Variants in CLUH observed in about 807,000 individuals in gnomAD.
CLUH encodes the protein CLUH binding protein of NUMT mRNA.
Under a neutral mutation model 139.3 loss-of-function variants are expected in CLUH, and 77 were observed. That is an observed-to-expected ratio of 0.55 (90% confidence interval 0.46 to 0.67). The LOEUF (loss-of-function observed/expected upper bound fraction) is 0.67, where lower values mean the gene tolerates loss of function less well. Ranked by LOEUF, CLUH falls within the 30% of genes least tolerant of loss-of-function variation. CLUH has a pLI of 0.00. For synonymous variants in CLUH, 999 were observed against 801.6 expected (o/e 1.25, Z -4.16); for missense variants, 1,876 against 1,875.8 (o/e 1.00, Z 0.00).
At chr17:2,695,170 A>C (rs1567582887) in intron 15 of CLUH, 48 bp downstream of exon 15, 1 of 1,613,642 alleles carries the variant, frequency 6.2e-7, no homozygotes, top group Admixed American at 1.7e-5. Context: ...CCGACGCCCC[A>C]CACCACCCTG....
In CLUH at chr17:2,690,291, C is replaced by T. The variant is rs1403967887; in HGVS notation, c.*303G>A. ...ACACTCACAGCCAGGGGCGCACTCG[C>T]ACACGCCGGCCGGACGGCGGGGGCC... is the stretch of plus-strand genomic sequence containing the variant. On this transcript the variant is annotated 3_prime_UTR_variant, in exon 26 of 26. Coordinates refer to ENST00000651024, the MANE Select transcript of CLUH (RefSeq NM_001366661.1). 2.8e-5 allele frequency: 10 copies of T among 358,534 alleles called. No individual in the cohort carries two copies. Among genetic ancestry groups the T allele is most frequent in the Admixed American group, 1.4e-4 (3 of 21,014 alleles). The allele number at this position is 358,534 out of a possible 1,614,324, so 22.2% of individuals were successfully genotyped here.
In CLUH at chr17:2,689,672, T is replaced by G. The variant is rs1379805195; in HGVS notation, c.*922A>C. On this transcript the variant is annotated 3_prime_UTR_variant, in exon 26 of 26. Transcript: ENST00000651024. ...GGCAGGGTGGAGCGGGAGCAGCGTG[T>G]GGGGGCCCCCGCCACCCCCAGAGCT... 6.5e-6 allele frequency: 1 copy of G among 152,800 alleles called. No individual in the cohort carries two copies. Among genetic ancestry groups the G allele is most frequent in the African/African-American group, 2.4e-5 (1 of 41,376 alleles). The allele number at this position is 152,800 out of a possible 1,614,324, so 9.5% of individuals were successfully genotyped here.
At chr17:2,698,626 C>A (rs768503244) in intron 9 of CLUH, 36 bp from the exon 10 acceptor site, 1 of 1,512,858 alleles carries the variant, frequency 6.6e-7, no homozygotes, top group South Asian at 1.3e-5. Context: ...TTAGAGGCCG[C>A]GCCCACAAGA....
chr17:2,692,643 G>T lies in CLUH; in HGVS notation c.3366C>A (p.Ser1122Arg). The change falls in exon 21 of 26, where the codon AGC (serine) becomes AGA (arginine). Residue 1122 changes from serine to arginine, a missense_variant. Ser to Arg is a moderately radical substitution (Grantham distance 110). Coordinates refer to ENST00000651024, the MANE Select transcript of CLUH (RefSeq NM_001366661.1). ...FASSQLSTAL[S>R]LLYRARYLML... is the part of the protein sequence containing the mutation. The stretch of plus-strand genomic sequence containing the variant: ...TGAGGTAGCGGGCGCGGTACAGCAG[G>T]CTCAGGGCGGTGGACAGCTGGCTGC... 1 of 1,612,756 alleles carries T rather than the reference G, an allele frequency of 6.2e-7. No homozygotes were observed. The highest frequency in any genetic ancestry group is 8.5e-7 in the Non-Finnish European group (1 of 1,179,498).
At position 2,711,712 on chromosome 17, in the gene CLUH, A is replaced by T. The variant is rs1376573367; in HGVS notation, c.-51T>A. On this transcript the variant is annotated 5_prime_UTR_variant, in exon 1 of 26. Coordinates refer to ENST00000651024, the MANE Select transcript of CLUH (RefSeq NM_001366661.1). ...GGCTGTCCGCGCCGCCCGCCGCGCC[A>T]CTAACCCAAGTGCCCTGCGCGCCGC... 4.8e-6 allele frequency: 4 copies of T among 827,364 alleles called. No homozygotes were observed. The highest frequency in any genetic ancestry group is 6.0e-4 in the Middle Eastern group (1 of 1,658). The allele number at this position is 827,364 out of a possible 1,614,324, so 51.3% of individuals were successfully genotyped here.
Position 2,689,920 on chromosome 17 carries a change from C to T in CLUH, c.*674G>A, listed in dbSNP as rs1440558590. On this transcript the variant is annotated 3_prime_UTR_variant, in exon 26 of 26. Transcript: ENST00000651024. ...GGAGTAGGGAGCCGAGTCAGAGCCA[C>T]CCACTGGGCTCTGAGGGCCCAGCAA... is the stretch of plus-strand genomic sequence containing the variant. 6.5e-6 allele frequency: 1 copy of T among 152,742 alleles called. No homozygotes were observed. The highest frequency in any genetic ancestry group is 2.4e-5 in the African/African-American group (1 of 41,436). The allele number at this position is 152,742 out of a possible 1,614,324, so 9.5% of individuals were successfully genotyped here. A position where few individuals can be genotyped will look rare whatever the true frequency, so the allele number is the denominator to read the frequency against.
At chr17:2,693,795 T>G in intron 19 of CLUH, 105 bp downstream of exon 19, 1 of 1,416,494 alleles carries the variant, frequency 7.1e-7, no homozygotes, top group South Asian at 1.4e-5. Flanking sequence ...AACCAGCGAC[T>G]TCCTGGGGTC....
rs928595635 is a variant in CLUH, at chr17:2,694,292, C to G, written c.2938-16G>C. ...TCAGCAGGACCTGGGGGGCAGCCCC[C>G]CCACCACAGGAAGCCTCAGGCCCAG... On this transcript the variant is annotated splice_polypyrimidine_tract_variant and intron_variant, in intron 17 of 25. Coordinates refer to ENST00000651024, the MANE Select transcript of CLUH (RefSeq NM_001366661.1). The G allele has an allele frequency of 1.1e-5, 17 of 1,570,720 alleles. No individual in the cohort carries two copies. Among genetic ancestry groups the G allele is most frequent in the Non-Finnish European group, 1.4e-5 (16 of 1,156,520 alleles).
At position 2,711,625 on chromosome 17, in the gene CLUH, G is replaced by T. The variant is rs946794027; in HGVS notation, c.37C>A (p.Pro13Thr). 5.1e-6 allele frequency: 5 copies of T among 984,238 alleles called. No individual in the cohort carries two copies. The Admixed American group carries it at 3.1e-4, about 61-fold the overall frequency. The allele number at this position is 984,238 out of a possible 1,614,324, so 61.0% of individuals were successfully genotyped here. ...CCGTGTTCCCGGGCGCTGTCGGCCG[G>T]GGCGGCCGCCGGCAACTCGTCCGTC... ...IKTDELPAAA[P>T]ADSAREHGSQ... The change falls in exon 1 of 26, where the codon CCG becomes ACG. Residue 13 changes from proline (P) to threonine (T), a missense_variant. Transcript: ENST00000651024.
At chr17:2,691,921 GC>G (rs5818873) in intron 23 of CLUH, 26 bp from the exon 24 acceptor site, 1,163,949 of 1,430,886 alleles carry the variant, frequency 0.81, 480,289 homozygotes, top group Non-Finnish European at 0.86. Flanking sequence ...AAGGGATCAG[GC>G]CCCCCCGTGC....
At chr17:2,697,812 C>G in intron 10 of CLUH, 84 bp downstream of exon 10, 1 of 1,313,604 alleles carries the variant, frequency 7.6e-7, no homozygotes, top group South Asian at 1.5e-5. Flanking sequence ...CTTCTCCCTT[C>G]AAGGACCCAA....
rs1363868166 is a variant in CLUH, at chr17:2,703,694, T to C, written c.304-205A>G. On this transcript the variant is annotated intron_variant, in intron 2 of 25. Transcript: ENST00000651024. The surrounding 1 kb of genome is among the most constrained non-coding windows in gnomAD (Gnocchi z 4.2). ...CTTTCTGGCTTTTAAATCCAGGCCA[T>C]GTCCACACATGCCATGCCCTGTGTG... Among the ~76,000 whole-genome samples the C allele has an allele frequency of 6.6e-6, 1 of 152,104 alleles. No homozygotes were observed. Among genetic ancestry groups the C allele is most frequent in the Non-Finnish European group, 1.5e-5 (1 of 68,000 alleles).
At chr17:2,708,870 GGA>G (rs1491271287) in intron 1 of CLUH, among the ~76,000 whole-genome samples, 4,046 of 90,812 alleles carry the variant, frequency 0.045, 140 homozygotes, top group Middle Eastern at 0.078. Flanking sequence ...CGGGGGGGGG[GGA>G]GCAGAACTAT....
chr17:2,710,411 G>A (rs1372797283), intron 1 of CLUH, among the ~76,000 whole-genome samples: 3 of 152,244 alleles, frequency 2.0e-5, no homozygotes, highest in African/African-American at 7.2e-5. Context: ...GGGTCAGAGG[G>A]CTGAACGCTG....
At chr17:2,702,769 G>A (rs1296114073) in intron 3 of CLUH, among the ~76,000 whole-genome samples, 5 of 151,734 alleles carry the variant, frequency 3.3e-5, no homozygotes, top group African/African-American at 1.2e-4. Context: ...CTGACTTCAC[G>A]CCCTGGGATG....
In CLUH at chr17:2,701,601, C is replaced by T; in HGVS notation, c.744+12G>A. ...GCCAGGGACCCTCTTCCTCCCTCCC[C>T]CAGGATCCTACCTTCCAGTCACGGT... is the stretch of plus-strand genomic sequence containing the variant. On this transcript the variant is annotated intron_variant, in intron 5 of 25. Transcript: ENST00000651024. The T allele has an allele frequency of 1.2e-6, 2 of 1,610,348 alleles. No homozygotes were observed. The highest frequency in any genetic ancestry group is 1.7e-6 in the Non-Finnish European group (2 of 1,178,304).
Position 2,691,984 on chromosome 17 carries a change from G to GCCCCGCCCCCGCCCCCGCCCCGCCCCCGC in CLUH, c.3654+19_3654+20insGCGGGGGCGGGGCGGGGGCGGGGGCGGGG, listed in dbSNP as rs757172508. 2.2e-6 allele frequency: 1 copy of GCCCCGCCCCCGCCCCCGCCCCGCCCCCGC among 462,570 alleles called. No homozygotes were observed. The highest frequency in any genetic ancestry group is 8.1e-5 in the African/African-American group (1 of 12,288). The allele number at this position is 462,570 out of a possible 1,614,324, so 28.7% of individuals were successfully genotyped here. On this transcript the variant is annotated intron_variant, in intron 23 of 25. Coordinates refer to ENST00000651024, the MANE Select transcript of CLUH (RefSeq NM_001366661.1). ...ACGCCCCCGCCCCGCCCCCGCCCCC[G>GCCCCGCCCCCGCCCCCGCCCCGCCCCCGC]CCACGCCCCCGCCGCGCACCTGCGT... is the stretch of plus-strand genomic sequence containing the variant.
In CLUH at chr17:2,691,945, G is replaced by GC. The variant is rs748010980; in HGVS notation, c.3655-51dup. 6.0e-6 allele frequency: 7 copies of GC among 1,172,284 alleles called. No individual in the cohort carries two copies. In the East Asian group the frequency reaches 1.5e-4, roughly 26 times the overall value. The allele number at this position is 1,172,284 out of a possible 1,614,324, so 72.6% of individuals were successfully genotyped here. ...GGCCCCCCCGTGCCCCCGCGGCCCC[G>GC]CCCCCGCCCCGCCACGCCCCCGCCC... On this transcript the variant is annotated intron_variant, in intron 23 of 25. Coordinates refer to ENST00000651024, the MANE Select transcript of CLUH (RefSeq NM_001366661.1).
chr17:2,698,553 G>A lies in CLUH; in HGVS notation c.1304C>T (p.Ala435Val). The A allele has an allele frequency of 1.2e-6, 2 of 1,610,302 alleles. No homozygotes were observed. Among genetic ancestry groups the A allele is most frequent in the Non-Finnish European group, 1.7e-6 (2 of 1,178,096 alleles). Residue 435 changes from alanine (A) to valine (V), a missense_variant, in exon 10 of 26, where the codon GCC (alanine) becomes GTC (valine). Coordinates refer to ENST00000651024, the MANE Select transcript of CLUH (RefSeq NM_001366661.1). ...CACGTTGCCGTCAATGACGGCCATG[G>A]CGCCCCTGGTGGCTGCCGCGGTGAA... ...SDFTAAATRGAMAVIDGNVMA... is the reference protein window; with the variant it reads ...SDFTAAATRGVMAVIDGNVMA...
Sources: allele counts gnomAD v4.1 joint callset (sites outside exome capture counted in the v4.1 genomes callset), GRCh38; gene constraint gnomAD v4.1.1; non-coding constraint Gnocchi (gnomAD v3.1); transcripts MANE v1.5; gene names NCBI Gene and HGNC (gene_info 2026-07-23, HGNC 2026-07-21).